FERMT1: variants seen among roughly 807,000 people sequenced by gnomAD.
FERMT1 encodes the protein FERM domain containing kindlin 1, also known as fermitin family homolog 1.
In FERMT1, 60 loss-of-function variants were observed where a neutral mutation model predicts 85.3. The observed-to-expected ratio is 0.70, with a 90% CI of 0.57 to 0.87. The LOEUF (loss-of-function observed/expected upper bound fraction) is 0.87. Ranked by LOEUF, FERMT1 falls within the 40% of genes least tolerant of loss-of-function variation. FERMT1 has a pLI of 0.00. For synonymous variants in FERMT1, 275 were observed against 301.1 expected (o/e 0.91, Z 0.90); for missense variants, 701 against 818.9 (o/e 0.86, Z 1.76).
intron 9 of FERMT1, among the ~76,000 whole-genome samples, chr20:6,091,580 A>C (rs1350674294): frequency 6.6e-6 from 1 of 152,208 alleles, no homozygotes; most frequent in East Asian, 1.9e-4. Context: ...TCCAAAATGA[A>C]TAGTATTTTC....
chr20:6,090,762 C>A (rs1208064688), intron 9 of FERMT1, among the ~76,000 whole-genome samples: 1 of 151,828 alleles, frequency 6.6e-6, no homozygotes. Context: ...CCCAGCAAAA[C>A]CCCCTCAGTG....
intron 6 of FERMT1, 128 bp downstream of exon 6, chr20:6,107,404 A>G (rs1982828495): frequency 3.5e-6 from 2 of 574,106 alleles, no homozygotes. Flanking sequence ...TATCAGTCTC[A>G]CCCTGCAGGG....
chr20:6,078,215 G>A (rs1981887725), intron 14 of FERMT1, among the ~76,000 whole-genome samples: 1 of 152,210 alleles, frequency 6.6e-6, no homozygotes, highest in Admixed American at 6.5e-5. Flanking sequence ...TCTAGGCAGT[G>A]GTGTTTTAAA....
chr20:6,112,836 T>C (rs555606772), intron 3 of FERMT1, among the ~76,000 whole-genome samples: 3 of 152,284 alleles, frequency 2.0e-5, no homozygotes, highest in African/African-American at 7.2e-5. Context: ...GGAGATTCAG[T>C]CTAGTGAAAT....
In FERMT1 at chr20:6,079,774, G is replaced by GC. The variant is rs1375614632; in HGVS notation, c.1719-198dup. On this transcript the variant is annotated intron_variant, in intron 13 of 14. Coordinates refer to ENST00000217289, the MANE Select transcript of FERMT1 (RefSeq NM_017671.5). The stretch of plus-strand genomic sequence containing the variant: ...GTGAAAAAAGAATGAAGGCTATCCT[G>GC]CAGATGGTCTTTAAGTAAAACTGAC... Among the ~76,000 whole-genome samples the GC allele has an allele frequency of 3.3e-5, 5 of 152,190 alleles. No homozygotes were observed. In the East Asian group the frequency reaches 9.6e-4, roughly 29 times the overall value.
chr20:6,089,870 C>T lies in FERMT1; in HGVS notation c.1140-781G>A, dbSNP rs182604679. ...AGGTTGGGTCATTCAAAATAGGAAA[C>T]GTGAGAATGAGCTAGGGGGAGGACA... On this transcript the variant is annotated intron_variant, in intron 9 of 14. Transcript: ENST00000217289. Among the ~76,000 whole-genome samples, 9 of 152,114 alleles carry T rather than the reference C, an allele frequency of 5.9e-5. No homozygotes were observed. The South Asian group carries it at 6.2e-4, about 11-fold the overall frequency.
chr20:6,080,345 G>A (rs1038932479), intron 13 of FERMT1, among the ~76,000 whole-genome samples: 1 of 152,120 alleles, frequency 6.6e-6, no homozygotes, highest in Admixed American at 6.6e-5. Context: ...ACAGGGTCTT[G>A]TTATGTTGCC....
chr20:6,110,118 C>T (rs960609958), intron 5 of FERMT1, among the ~76,000 whole-genome samples, 180 bp downstream of exon 5: 3 of 152,180 alleles, frequency 2.0e-5, no homozygotes, highest in Non-Finnish European at 4.4e-5. Flanking sequence ...TTTAGGCACA[C>T]TTTAAATATA....
chr20:6,079,261 G>A (rs1981925695), intron 14 of FERMT1, among the ~76,000 whole-genome samples, 175 bp downstream of exon 14: 1 of 152,188 alleles, frequency 6.6e-6, no homozygotes, highest in African/African-American at 2.4e-5. Context: ...GCCTGTGCCT[G>A]TTAGGAAGCT....
At chr20:6,077,711 C>T (rs963002438) in intron 14 of FERMT1, among the ~76,000 whole-genome samples, 1 of 145,816 alleles carries the variant, frequency 6.9e-6, no homozygotes, top group African/African-American at 2.6e-5. Context: ...GATGGAGTCT[C>T]TCTCTGTCAC....
At chr20:6,086,788 C>G (rs1360472189) in intron 11 of FERMT1, among the ~76,000 whole-genome samples, 1 of 152,148 alleles carries the variant, frequency 6.6e-6, no homozygotes, top group Non-Finnish European at 1.5e-5. Context: ...TTCCCCTTCA[C>G]CTTCCGCTAA....
chr20:6,113,265 GCCA>G (rs1332652584), intron 3 of FERMT1, among the ~76,000 whole-genome samples: 1 of 152,164 alleles, frequency 6.6e-6, no homozygotes, highest in African/African-American at 2.4e-5. Flanking sequence ...GGCCTCCCCA[GCCA>G]TGTGGAACTG....
intron 5 of FERMT1, 121 bp from the exon 6 acceptor site, chr20:6,107,755 T>C (rs1982838968): frequency 4.9e-6 from 3 of 606,240 alleles, no homozygotes; most frequent in Non-Finnish European, 9.1e-6. Flanking sequence ...GGGTATGTAA[T>C]ACAGATTGAG....
At position 6,076,820 on chromosome 20, in the gene FERMT1, T is replaced by C; in HGVS notation, c.*353A>G. ...CTTTCTGTCTTCTCCATTGACTTAG[T>C]AATGAGACAGATCAGCACGAGGATA... On this transcript the variant is annotated 3_prime_UTR_variant, in exon 15 of 15. Coordinates refer to ENST00000217289, the MANE Select transcript of FERMT1 (RefSeq NM_017671.5). 2.6e-6 allele frequency: 1 copy of C among 384,962 alleles called. No individual in the cohort carries two copies. The allele number at this position is 384,962 out of a possible 1,614,324, so 23.8% of individuals were successfully genotyped here. A position where few individuals can be genotyped will look rare whatever the true frequency, so the allele number is the denominator to read the frequency against.
chr20:6,115,893 C>T lies in FERMT1; in HGVS notation c.303G>A (p.Leu101=). The change falls in exon 3 of 15, where the codon CTG becomes CTA. Residue 101 remains leucine, a synonymous_variant. Transcript: ENST00000217289. ...TPQHKMLRLR[L]PNLKMVRLRV... ...GCAACCTCACCATCTTCAAATTCGG[C>T]AGACGAAGGCGCAGCATTTTATGCT... 6.2e-7 allele frequency: 1 copy of T among 1,614,144 alleles called. No homozygotes were observed.
chr20:6,084,905 C>A (rs1467643165), intron 12 of FERMT1, among the ~76,000 whole-genome samples, 161 bp downstream of exon 12: 1 of 152,174 alleles, frequency 6.6e-6, no homozygotes, highest in African/African-American at 2.4e-5. Flanking sequence ...GTTGCCCAGG[C>A]TGGTCTTGAA....
intron 12 of FERMT1, 40 bp from the exon 13 acceptor site, chr20:6,084,204 G>A (rs757675749): frequency 1.2e-5 from 19 of 1,584,156 alleles, no homozygotes; most frequent in South Asian, 3.4e-5. Flanking sequence ...CACATGCACC[G>A]GCTGCTCTGT....
intron 13 of FERMT1, among the ~76,000 whole-genome samples, chr20:6,080,663 C>T (rs1231368679): frequency 6.6e-6 from 1 of 152,130 alleles, no homozygotes; most frequent in Non-Finnish European, 1.5e-5. Context: ...TAGGAGTTGC[C>T]TATGGGCAGG....
chr20:6,096,937 C>T lies in FERMT1; in HGVS notation c.1054G>A (p.Val352Ile). 1 of 1,614,066 alleles carries T rather than the reference C, an allele frequency of 6.2e-7. No individual in the cohort carries two copies. Among genetic ancestry groups the T allele is most frequent in the Non-Finnish European group, 8.5e-7 (1 of 1,179,954 alleles). The change falls in exon 8 of 15, where the codon GTA (valine) becomes ATA (isoleucine). Residue 352 changes from valine to isoleucine, a missense_variant. Coordinates refer to ENST00000217289, the MANE Select transcript of FERMT1 (RefSeq NM_017671.5). ...TCCGCTTTTCCACCTTCTAGGGTTA[C>T]TTCCAAATTAGAAAGCGCCGCTTCT... ...EIEAALSNLE[V>I]TLEGGKADSL...
Sources: gnomAD v4.1 joint callset for allele counts (sites outside exome capture counted in the v4.1 genomes callset) on GRCh38, gnomAD v4.1.1 for gene constraint, MANE v1.5 for transcripts, NCBI Gene and HGNC (gene_info 2026-07-23, HGNC 2026-07-21) for gene names.